The following RYR2 variants were observed in gnomAD, a reference collection of about 807,000 sequenced individuals.
RYR2 encodes the protein ryanodine receptor 2, also known as cardiac muscle ryanodine receptor-calcium release channel.
Under a neutral mutation model 601.1 loss-of-function variants are expected in RYR2, and 227 were observed. The ratio of observed to expected loss-of-function variants is 0.38; its 90% CI spans 0.34 to 0.42. The LOEUF (loss-of-function observed/expected upper bound fraction) is 0.42. Among genes scored for constraint, RYR2 ranks in the 10% least tolerant of loss-of-function variants. RYR2 has a pLI of 1.00. For synonymous variants in RYR2, 2,223 were observed against 2,175.1 expected, an observed-to-expected ratio of 1.02 and a Z score of -0.61; for missense variants, 4,646 against 6,156.5, an observed-to-expected ratio of 0.75 and a Z score of 8.21.
intron 1 of RYR2, among the ~76,000 whole-genome samples, chr1:237,232,208 T>C (rs1172109295): frequency 6.6e-6 from 1 of 152,152 alleles, no homozygotes; most frequent in East Asian, 1.9e-4. Flanking sequence ...TCAGAATTAC[T>C]TCTGGTCACC....
chr1:237,262,251 T>G (rs1043166702), intron 1 of RYR2, among the ~76,000 whole-genome samples: 1 of 103,808 alleles, frequency 9.6e-6, no homozygotes, highest in African/African-American at 5.4e-5. Context: ...AAGAGTTTTT[T>G]TTTTTTTTTT....
At chr1:237,070,759 C>T (rs1188739706) in intron 1 of RYR2, among the ~76,000 whole-genome samples, 1 of 152,204 alleles carries the variant, frequency 6.6e-6, no homozygotes. Flanking sequence ...GCTCCAGGTG[C>T]TGGCACAGGT....
intron 87 of RYR2, among the ~76,000 whole-genome samples, chr1:237,777,226 G>C (rs1320619707): frequency 6.6e-6 from 1 of 152,154 alleles, no homozygotes; most frequent in East Asian, 1.9e-4. Context: ...TGTATCCTTA[G>C]AGTGGAAATA....
rs941651787 is a variant in RYR2, at chr1:237,610,021, G to A, written c.4684-741G>A. On this transcript the variant is annotated intron_variant, in intron 35 of 104. Coordinates refer to ENST00000366574, the MANE Select transcript of RYR2 (RefSeq NM_001035.3). This position sits in a 1 kb window ranked among gnomAD's most constrained non-coding sequence, Gnocchi z 4.9. ...AGCATGCAGTTGAGGGGGCTCTAGA[G>A]GAGAAGAAGAGATAGAAGATAATGC... Among the ~76,000 whole-genome samples the A allele has an allele frequency of 5.3e-5, 8 of 152,114 alleles. No homozygotes were observed. The highest frequency in any genetic ancestry group is 1.2e-4 in the Non-Finnish European group (8 of 68,030).
chr1:237,103,238 G>A (rs1247804463), intron 1 of RYR2, among the ~76,000 whole-genome samples: 1 of 152,162 alleles, frequency 6.6e-6, no homozygotes, highest in Non-Finnish European at 1.5e-5. Context: ...AATTTATTTT[G>A]GATATTCAGC....
chr1:237,661,362 G>C (rs1360915537), intron 56 of RYR2, among the ~76,000 whole-genome samples: 1 of 152,092 alleles, frequency 6.6e-6, no homozygotes, highest in African/African-American at 2.4e-5. Context: ...GGGGGGCTAG[G>C]GGAGGGATAG....
At chr1:237,331,989 G>A (rs1269895902) in intron 3 of RYR2, among the ~76,000 whole-genome samples, 1 of 152,032 alleles carries the variant, frequency 6.6e-6, no homozygotes, top group African/African-American at 2.4e-5. Flanking sequence ...TTGTTTCCAG[G>A]TTTTTTAATT....
chr1:237,608,438 C>A (rs1366572383), intron 35 of RYR2, among the ~76,000 whole-genome samples: 1 of 152,094 alleles, frequency 6.6e-6, no homozygotes, highest in African/African-American at 2.4e-5. Context: ...CTCAGTGGCT[C>A]ATGCTTGTAA....
chr1:237,571,980 A>T (rs1177680220), intron 29 of RYR2, among the ~76,000 whole-genome samples: 1 of 152,140 alleles, frequency 6.6e-6, no homozygotes, highest in Non-Finnish European at 1.5e-5. Flanking sequence ...GTTATTTTAA[A>T]ATGTATGATT....
chr1:237,397,702 C>T (rs114119896), intron 10 of RYR2, among the ~76,000 whole-genome samples: 6,054 of 151,308 alleles, frequency 0.04, 193 homozygotes, highest in Non-Finnish European at 0.066. Flanking sequence ...CCTGGCCTTA[C>T]ACCCTGTTTA....
intron 10 of RYR2, among the ~76,000 whole-genome samples, chr1:237,402,872 C>CAAG: frequency 6.7e-6 from 1 of 149,358 alleles, no homozygotes; most frequent in Admixed American, 6.7e-5. Flanking sequence ...GCCTCGATGT[C>CAAG]CTGGCCTCAA....
chr1:237,095,597 G>A lies in RYR2; in HGVS notation c.48+53028G>A, dbSNP rs1022800733. ...AGGCAAGCTACAGAGCATCCCCCTA[G>A]CCTGGTGACTGGAGATCAAGGAGCT... On this transcript the variant is annotated intron_variant, in intron 1 of 104. Coordinates refer to ENST00000366574, the MANE Select transcript of RYR2 (RefSeq NM_001035.3). Among the ~76,000 whole-genome samples, 6 of 152,194 alleles carry A rather than the reference G, an allele frequency of 3.9e-5. No individual in the cohort carries two copies. In the East Asian group the frequency reaches 1.2e-3, roughly 29 times the overall value.
chr1:237,055,211 G>A lies in RYR2; in HGVS notation c.48+12642G>A, dbSNP rs73120073. Among the ~76,000 whole-genome samples the A allele has an allele frequency of 1.7e-4, 26 of 152,278 alleles. No individual in the cohort carries two copies. The East Asian group carries it at 1.7e-3, about 10-fold the overall frequency. ...CACGTTTGGGAGAGAGATGACGGGC[G>A]AGTACTGCTGTGTCATCCTGGGGGG... On this transcript the variant is annotated intron_variant, in intron 1 of 104. Coordinates refer to ENST00000366574, the MANE Select transcript of RYR2 (RefSeq NM_001035.3).
chr1:237,524,411 C>T (rs77775371), intron 24 of RYR2, among the ~76,000 whole-genome samples: 3,308 of 152,198 alleles, frequency 0.022, 38 homozygotes, highest in African/African-American at 0.028. Flanking sequence ...GAGTGAGAAA[C>T]GCCTGCAGCA....
At chr1:237,655,765 T>C in intron 52 of RYR2, 56 bp from the exon 53 acceptor site, 1 of 1,498,084 alleles carries the variant, frequency 6.7e-7, no homozygotes, top group South Asian at 1.3e-5. Flanking sequence ...CTGATGATCA[T>C]GCTGACAACT....
At chr1:237,110,364 A>T (rs1669324073) in intron 1 of RYR2, among the ~76,000 whole-genome samples, 1 of 151,410 alleles carries the variant, frequency 6.6e-6, no homozygotes, top group South Asian at 2.1e-4. Flanking sequence ...TGCTGCACCC[A>T]TTAACTCGTC....
intron 29 of RYR2, among the ~76,000 whole-genome samples, chr1:237,588,509 C>G (rs944004027): frequency 2.3e-4 from 35 of 152,138 alleles, no homozygotes; most frequent in African/African-American, 7.7e-4. Context: ...TAGTGTGCTG[C>G]CTACTTGAAC....
intron 66 of RYR2, among the ~76,000 whole-genome samples, chr1:237,702,605 C>G (rs1359922937): frequency 6.6e-6 from 1 of 151,994 alleles, no homozygotes; most frequent in Admixed American, 6.6e-5. Flanking sequence ...AAAACATATT[C>G]TGATAGAAGA....
chr1:237,670,346 G>A (rs1558186197), intron 58 of RYR2, among the ~76,000 whole-genome samples: 1 of 150,042 alleles, frequency 6.7e-6, no homozygotes, highest in Non-Finnish European at 1.5e-5. Context: ...AGACGGGAGA[G>A]GGAGAGGGAG....
Sources: gnomAD v4.1 joint callset for allele counts (sites outside exome capture counted in the v4.1 genomes callset) on GRCh38, gnomAD v4.1.1 for gene constraint, Gnocchi (gnomAD v3.1) non-coding constraint, MANE v1.5 for transcripts, NCBI Gene and HGNC (gene_info 2026-07-23, HGNC 2026-07-21) for gene names.